The following HYAL4 variants were observed in gnomAD, a reference collection of about 807,000 sequenced individuals.
The protein encoded by HYAL4 is hyaluronidase 4.
A neutral mutation model predicts 35.2 loss-of-function variants in HYAL4; 37 were observed. The ratio of observed to expected loss-of-function variants is 1.05; its 90% CI spans 0.81 to 1.38. The LOEUF is 1.38. HYAL4 is among the 40% of genes most tolerant of loss of function. HYAL4 has a pLI of 0.00. For missense variants in HYAL4, 572 were observed against 572.4 expected (o/e 1.00, Z 0.01); for synonymous variants, 198 against 203.2 (o/e 0.97, Z 0.22).
intron 1 of HYAL4, among the ~76,000 whole-genome samples, chr7:123,838,483 T>C (rs1806003077): frequency 6.6e-6 from 1 of 152,110 alleles, no homozygotes; most frequent in Non-Finnish European, 1.5e-5. Context: ...ATACTGCCCA[T>C]TTTAAATGTG....
chr7:123,873,513 CCCA>C (rs1483005912), intron 3 of HYAL4, among the ~76,000 whole-genome samples: 8 of 151,960 alleles, frequency 5.3e-5, no homozygotes, highest in African/African-American at 1.9e-4. Flanking sequence ...ATATTAAGTG[CCCA>C]ATGGCAAAAT....
the HYAL4 span, among the ~76,000 whole-genome samples, chr7:123,779,253 A>G: frequency 6.6e-6 from 1 of 152,176 alleles, no homozygotes; most frequent in Admixed American, 6.6e-5. Flanking sequence ...AACAAGTTTG[A>G]GAATAAAAAG....
intron 2 of HYAL4, among the ~76,000 whole-genome samples, chr7:123,850,238 T>G (rs1233139112): frequency 1.3e-5 from 2 of 152,172 alleles, no homozygotes; most frequent in Admixed American, 1.3e-4. Flanking sequence ...ATATGAATAC[T>G]TAGATTTTTG....
At chr7:123,840,917 A>G (rs1417448026), upstream of HYAL4, among the ~76,000 whole-genome samples, 3 of 152,008 alleles carry the variant, frequency 2.0e-5, no homozygotes, top group Non-Finnish European at 2.9e-5. Flanking sequence ...TAAATATACA[A>G]TCATGTCATC....
intron 3 of HYAL4, among the ~76,000 whole-genome samples, chr7:123,873,465 A>G (rs943054160): frequency 6.6e-6 from 1 of 151,902 alleles, no homozygotes; most frequent in Non-Finnish European, 1.5e-5. Context: ...GTTAGACAAT[A>G]AAAGTGTCAG....
At chr7:123,765,819 A>G in the HYAL4 span, among the ~76,000 whole-genome samples, 1 of 152,104 alleles carries the variant, frequency 6.6e-6, no homozygotes, top group African/African-American at 2.4e-5. Context: ...ATAGCAAACA[A>G]TATACTCTTC....
chr7:123,856,215 T>C (rs1584919093), intron 2 of HYAL4, among the ~76,000 whole-genome samples: 1 of 152,034 alleles, frequency 6.6e-6, no homozygotes, highest in Non-Finnish European at 1.5e-5. Context: ...TTCATCAGCC[T>C]TACTCTCCAT....
intron 2 of HYAL4, among the ~76,000 whole-genome samples, chr7:123,859,354 C>T (rs536924643): frequency 1.8e-4 from 27 of 152,040 alleles, no homozygotes; most frequent in African/African-American, 4.6e-4. Context: ...AATAATTCAC[C>T]GGTATTGTGC....
At chr7:123,781,811 G>A in the HYAL4 span, among the ~76,000 whole-genome samples, 1 of 152,168 alleles carries the variant, frequency 6.6e-6, no homozygotes, top group Admixed American at 6.5e-5. Context: ...CAAAGTTTAA[G>A]TGGCTCTTAG....
chr7:123,840,226 C>T (rs1352419808), upstream of HYAL4, among the ~76,000 whole-genome samples: 3 of 152,152 alleles, frequency 2.0e-5, no homozygotes, highest in Non-Finnish European at 4.4e-5. Flanking sequence ...TTTCCCAGCA[C>T]CATTTATTAA....
In HYAL4 at chr7:123,876,890, C is replaced by T. The variant is rs150077532; in HGVS notation, c.1181C>T (p.Ala394Val). The change falls in exon 5 of 5, where the codon GCG becomes GTG. Residue 394 changes from alanine (A) to valine (V), a missense_variant. By Grantham distance (64) the Ala-to-Val change is moderately conservative. Transcript: ENST00000223026. Reference protein sequence around the residue: ...NGRCIRKMWNAPSYLHLNPAS... With the variant: ...NGRCIRKMWNVPSYLHLNPAS... ...AGGTGCATAAGGAAGATGTGGAACG[C>T]GCCCAGTTACCTTCACTTGAACCCT... 1.4e-4 allele frequency: 230 copies of T among 1,614,142 alleles called. No homozygotes were observed. The highest frequency in any genetic ancestry group is 1.2e-3 in the Middle Eastern group (7 of 6,062).
At chr7:123,841,910 T>C (rs1333068844), upstream of HYAL4, among the ~76,000 whole-genome samples, 1 of 152,022 alleles carries the variant, frequency 6.6e-6, no homozygotes, top group Non-Finnish European at 1.5e-5. Context: ...TTGCTAGCAG[T>C]CTATCGATTT....
chr7:123,867,016 C>G (rs1806706958), intron 2 of HYAL4, among the ~76,000 whole-genome samples: 1 of 152,164 alleles, frequency 6.6e-6, no homozygotes, highest in Non-Finnish European at 1.5e-5. Context: ...GTCTTGATCT[C>G]TTGACCTTGT....
At chr7:123,786,559 A>C in the HYAL4 span, among the ~76,000 whole-genome samples, 4 of 152,162 alleles carry the variant, frequency 2.6e-5, no homozygotes, top group Non-Finnish European at 4.4e-5. Context: ...GAATATTAAA[A>C]GTATGCATCA....
the HYAL4 span, among the ~76,000 whole-genome samples, chr7:123,808,107 C>A: frequency 6.6e-6 from 1 of 151,594 alleles, no homozygotes. Flanking sequence ...CAAACAAGAC[C>A]CTCCATAAAA....
upstream of HYAL4, among the ~76,000 whole-genome samples, chr7:123,827,730 G>A (rs1805818431): frequency 6.6e-6 from 1 of 152,042 alleles, no homozygotes; most frequent in African/African-American, 2.4e-5. Context: ...TCTGCCTTAT[G>A]ACTTTCAATT....
At chr7:123,796,923 G>C in the HYAL4 span, among the ~76,000 whole-genome samples, 11 of 152,304 alleles carry the variant, frequency 7.2e-5, no homozygotes, top group African/African-American at 2.6e-4. Context: ...ATAGATTGGT[G>C]GTTTCTTGTA....
chr7:123,803,326 G>T, the HYAL4 span, among the ~76,000 whole-genome samples: 2 of 152,062 alleles, frequency 1.3e-5, no homozygotes, highest in Non-Finnish European at 2.9e-5. Flanking sequence ...GGGCCACAGC[G>T]ACATCATTTG....
At chr7:123,824,876 T>C (rs1312260077), upstream of HYAL4, among the ~76,000 whole-genome samples, 1 of 152,170 alleles carries the variant, frequency 6.6e-6, no homozygotes, top group Non-Finnish European at 1.5e-5. Context: ...CACATAATAA[T>C]GTGTGCTGAA....
Sources: gnomAD v4.1 joint callset for allele counts (sites outside exome capture counted in the v4.1 genomes callset) on GRCh38, gnomAD v4.1.1 for gene constraint, MANE v1.5 for transcripts, NCBI Gene and HGNC (gene_info 2026-07-23, HGNC 2026-07-21) for gene names.